Variants in MFN1 observed in about 807,000 individuals in gnomAD.
The protein encoded by MFN1 is mitofusin 1.
Under a neutral mutation model 92.4 loss-of-function variants are expected in MFN1, and 65 were observed. That is an observed-to-expected ratio of 0.70 (90% CI 0.58 to 0.86). The LOEUF (loss-of-function observed/expected upper bound fraction) is 0.86. Ranked by LOEUF, MFN1 falls within the 40% of genes least tolerant of loss-of-function variation. The pLI is 0.00. For synonymous variants in MFN1, 297 were observed against 300.9 expected, an observed-to-expected ratio of 0.99 and a Z score of 0.13; for missense variants, 781 against 868.0, an observed-to-expected ratio of 0.90 and a Z score of 1.26.
intron 7 of MFN1, among the ~76,000 whole-genome samples, chr3:179,365,587 A>C (rs1471430583): frequency 6.6e-6 from 1 of 152,170 alleles, no homozygotes; most frequent in Non-Finnish European, 1.5e-5. Context: ...CAAATTTAAC[A>C]CACCTGTTTC....
intron 4 of MFN1, among the ~76,000 whole-genome samples, chr3:179,360,141 C>T (rs1465337095): frequency 6.6e-6 from 1 of 152,176 alleles, no homozygotes; most frequent in Non-Finnish European, 1.5e-5. Flanking sequence ...GTCTTGAACT[C>T]CTGACCTCAG....
At chr3:179,359,463 CG>C (rs1428739513) in intron 4 of MFN1, among the ~76,000 whole-genome samples, 4 of 148,036 alleles carry the variant, frequency 2.7e-5, no homozygotes, top group Non-Finnish European at 6.0e-5. Context: ...CTCTGTCACC[CG>C]GGCTAGAGTA....
chr3:179,362,274 A>C, intron 4 of MFN1, 84 bp from the exon 5 acceptor site: 1 of 1,349,326 alleles, frequency 7.4e-7, no homozygotes, highest in African/African-American at 1.5e-5. Flanking sequence ...CTGTTTTGCT[A>C]AAATAAATGT....
chr3:179,389,240 C>T (rs2108561280), intron 16 of MFN1, among the ~76,000 whole-genome samples: 1 of 152,258 alleles, frequency 6.6e-6, no homozygotes, highest in East Asian at 1.9e-4. Context: ...AGTTAAGATA[C>T]TTGGACATCC....
At chr3:179,369,055 A>C (rs545018729) in intron 9 of MFN1, among the ~76,000 whole-genome samples, 3 of 152,348 alleles carry the variant, frequency 2.0e-5, no homozygotes, top group African/African-American at 7.2e-5. Context: ...ACTGCCAGCT[A>C]TCTCGATAAG....
chr3:179,365,665 A>G (rs1712759357), intron 7 of MFN1, among the ~76,000 whole-genome samples: 1 of 152,118 alleles, frequency 6.6e-6, no homozygotes, highest in Non-Finnish European at 1.5e-5. Context: ...CCTCCTTCTA[A>G]CTTCCCTTCT....
chr3:179,393,608 A>G lies in MFN1; in HGVS notation c.*1549A>G, dbSNP rs1369936191. ...GAGTGCAGTATACTAATGCAAATTAATTTTGGTGTTTAGCTTTTATTGCTC... is the reference window on the plus strand; with the variant it reads ...GAGTGCAGTATACTAATGCAAATTAGTTTTGGTGTTTAGCTTTTATTGCTC... On this transcript the variant is annotated 3_prime_UTR_variant, in exon 18 of 18. Coordinates refer to ENST00000471841, the MANE Select transcript of MFN1 (RefSeq NM_033540.3). 6.6e-6 allele frequency: 1 copy of G among 152,226 alleles called. No homozygotes were observed. The highest frequency in any genetic ancestry group is 1.5e-5 in the Non-Finnish European group (1 of 68,042). 9.4% of individuals were successfully genotyped at this position (152,226 alleles called of 1,614,324 possible). A position where few individuals can be genotyped will look rare whatever the true frequency, so the allele number is the denominator to read the frequency against.
chr3:179,348,707 C>CA (rs376511108), intron 1 of MFN1, 138 bp from the exon 2 acceptor site: 87 of 1,331,302 alleles, frequency 6.5e-5, no homozygotes, highest in Non-Finnish European at 8.0e-5. Flanking sequence ...AGAACACTCC[C>CA]AAAAAAGAAT....
chr3:179,352,054 T>C lies in MFN1; in HGVS notation c.248+19T>C, dbSNP rs1577000183. 1 of 1,567,776 alleles carries C rather than the reference T, an allele frequency of 6.4e-7. No homozygotes were observed. Among genetic ancestry groups the C allele is most frequent in the Non-Finnish European group, 8.7e-7 (1 of 1,148,520 alleles). On this transcript the variant is annotated intron_variant, in intron 3 of 17. Transcript: ENST00000471841. ...TTGGCAGGTAATTATTTATTATTAC[T>C]TCTAAGATTAGTTTCCAGGAATCAG... is the stretch of plus-strand genomic sequence containing the variant.
At chr3:179,384,723 C>A (rs1052248517) in intron 14 of MFN1, among the ~76,000 whole-genome samples, 1 of 152,072 alleles carries the variant, frequency 6.6e-6, no homozygotes, top group African/African-American at 2.4e-5. Flanking sequence ...TTTGTAGACA[C>A]AAGGTCTCAC....
In MFN1 at chr3:179,378,719, C is replaced by T. The variant is rs763462241; in HGVS notation, c.1567C>T (p.Arg523Cys). Residue 523 changes from arginine to cysteine, a missense_variant, in exon 14 of 18, where the codon CGT (arginine) becomes TGT (cysteine). By Grantham distance (180) the Arg-to-Cys change is radical (BLOSUM62 -3). Transcript: ENST00000471841. ...AGATTTTCAAGAGGATATTGTATTT[C>T]GTTTTTCCCTGGGCTGGTCTTCCCT... The part of the protein sequence containing the change: ...CSDFQEDIVF[R>C]FSLGWSSLVH... 1.3e-5 allele frequency: 21 copies of T among 1,613,826 alleles called. 1 individual carries two copies. In the South Asian group the frequency reaches 1.5e-4, roughly 12 times the overall value.
At position 179,390,241 on chromosome 3, in the gene MFN1, G is replaced by T. The variant is rs927870599; in HGVS notation, c.2147+103G>T. 57 of 1,019,928 alleles carry T rather than the reference G, an allele frequency of 5.6e-5. No individual in the cohort carries two copies. In the African/African-American group the frequency reaches 9.4e-4, roughly 17 times the overall value. The allele number at this position is 1,019,928 out of a possible 1,614,324, so 63.2% of individuals were successfully genotyped here. A position where few individuals can be genotyped will look rare whatever the true frequency, so the allele number is the denominator to read the frequency against. ...GTATTCATTCCTAATAGCTTTTTGT[G>T]TTGGTTTAAATGAAAATCTTCCATA... On this transcript the variant is annotated intron_variant, in intron 17 of 17. Transcript: ENST00000471841.
rs535120694 is a variant in MFN1 at position 179,352,440 on chromosome 3, T to G, written c.248+405T>G. Among the ~76,000 whole-genome samples, 41 of 152,330 alleles carry G rather than the reference T, an allele frequency of 2.7e-4. No homozygotes were observed. The South Asian group carries it at 8.5e-3, about 32-fold the overall frequency. The stretch of plus-strand genomic sequence containing the variant: ...AAGAGGCTCTTGTCTGAGATAACTA[T>G]TTCCAAGGACTTTCTAGAAATTCTT... On this transcript the variant is annotated intron_variant, in intron 3 of 17. Coordinates refer to ENST00000471841, the MANE Select transcript of MFN1 (RefSeq NM_033540.3).
chr3:179,367,380 C>A (rs994203329), intron 7 of MFN1, 59 bp from the exon 8 acceptor site: 4 of 1,453,506 alleles, frequency 2.8e-6, no homozygotes, highest in Admixed American at 2.1e-5. Flanking sequence ...GGTCTATAGT[C>A]GTTGGTTATT....
intron 9 of MFN1, among the ~76,000 whole-genome samples, chr3:179,371,202 G>A (rs1167698105): frequency 5.9e-5 from 9 of 152,034 alleles, no homozygotes; most frequent in Admixed American, 5.9e-4. Context: ...TGGAGTAAAA[G>A]CAATAAAAAA....
chr3:179,350,939 C>G (rs943036649), intron 2 of MFN1, among the ~76,000 whole-genome samples: 2 of 152,182 alleles, frequency 1.3e-5, no homozygotes, highest in Admixed American at 1.3e-4. Flanking sequence ...TCACTGCAAA[C>G]TCTGCCTCCG....
chr3:179,389,984 T>C lies in MFN1; in HGVS notation c.2013-20T>C. ...CATTTTTGAAGACATTTATGACTGC[T>C]TCTAAATTTTTATTTTAAGACAAAT... is the stretch of plus-strand genomic sequence containing the variant. On this transcript the variant is annotated intron_variant, in intron 16 of 17. Coordinates refer to ENST00000471841, the MANE Select transcript of MFN1 (RefSeq NM_033540.3). 1 of 1,589,806 alleles carries C rather than the reference T, an allele frequency of 6.3e-7. No homozygotes were observed. The highest frequency in any genetic ancestry group is 8.5e-7 in the Non-Finnish European group (1 of 1,172,720).
At chr3:179,359,853 AT>A (rs909861763) in intron 4 of MFN1, 5 of 152,050 alleles carry the variant, frequency 3.3e-5, no homozygotes, top group African/African-American at 1.2e-4. Flanking sequence ...CTTGTCCTTA[AT>A]TTAAAGGTAT....
At chr3:179,366,232 A>G (rs947610779) in intron 7 of MFN1, among the ~76,000 whole-genome samples, 3 of 152,290 alleles carry the variant, frequency 2.0e-5, no homozygotes, top group Admixed American at 1.3e-4. Flanking sequence ...TCAGTAAACC[A>G]TGGGTATATG....
Sources: allele counts gnomAD v4.1 joint callset (sites outside exome capture counted in the v4.1 genomes callset), GRCh38; gene constraint gnomAD v4.1.1; transcripts MANE v1.5; gene names NCBI Gene and HGNC (gene_info 2026-07-23, HGNC 2026-07-21).